DYNC1I1: variants seen among roughly 807,000 people sequenced by gnomAD.
DYNC1I1 encodes cytoplasmic dynein 1 intermediate chain 1.
Under a neutral mutation model 86.6 loss-of-function variants are expected in DYNC1I1, and 43 were observed. The ratio of observed to expected loss-of-function variants is 0.50; its 90% CI spans 0.39 to 0.64. The LOEUF (loss-of-function observed/expected upper bound fraction) is 0.64, where lower values mean the gene tolerates loss of function less well. DYNC1I1 is among the 30% of genes least tolerant of loss of function. DYNC1I1 has a pLI of 0.00. For synonymous variants in DYNC1I1, 262 were observed against 283.7 expected (o/e 0.92, Z 0.77); for missense variants, 604 against 788.8 (o/e 0.77, Z 2.81).
intron 16 of DYNC1I1, among the ~76,000 whole-genome samples, chr7:96,081,903 A>C (rs1790531112): frequency 1.1e-5 from 1 of 92,998 alleles, no homozygotes; most frequent in African/African-American, 4.6e-5. Flanking sequence ...TTCTGGATGC[A>C]TAATTCTAAG....
chr7:95,824,152 G>A (rs1010512609), intron 4 of DYNC1I1, among the ~76,000 whole-genome samples: 5 of 150,310 alleles, frequency 3.3e-5, no homozygotes, highest in African/African-American at 1.2e-4. Context: ...CACCATACCC[G>A]GCTAATTTCT....
intron 10 of DYNC1I1, among the ~76,000 whole-genome samples, chr7:96,027,297 A>G (rs1324822523): frequency 2.4e-4 from 37 of 152,208 alleles, no homozygotes; most frequent in Admixed American, 2.4e-3. Context: ...ACTAAAAACA[A>G]TTACTTTAGC....
intron 6 of DYNC1I1, among the ~76,000 whole-genome samples, chr7:95,938,702 A>G (rs1394499211): frequency 6.6e-6 from 1 of 152,146 alleles, no homozygotes; most frequent in Non-Finnish European, 1.5e-5. Context: ...TAATAAGGTC[A>G]TGTATTGAAA....
At chr7:95,804,389 C>A (rs767235802) in intron 1 of DYNC1I1, 2 of 1,271,980 alleles carry the variant, frequency 1.6e-6, no homozygotes, top group Non-Finnish European at 2.0e-6. Flanking sequence ...TTTTTTGATT[C>A]TCTTATTTAT....
intron 10 of DYNC1I1, among the ~76,000 whole-genome samples, chr7:96,023,652 G>A (rs1268952159): frequency 2.0e-5 from 3 of 152,130 alleles, no homozygotes; most frequent in African/African-American, 7.2e-5. Flanking sequence ...TGTGAATGGT[G>A]TAAAATAAAC....
At chr7:96,058,886 C>T (rs1009836687) in intron 14 of DYNC1I1, among the ~76,000 whole-genome samples, 4 of 149,768 alleles carry the variant, frequency 2.7e-5, no homozygotes, top group Admixed American at 6.7e-5. Context: ...TCAGGTGATC[C>T]ACCAGCCTCG....
chr7:95,922,414 A>G (rs144444574), intron 6 of DYNC1I1, among the ~76,000 whole-genome samples: 2,154 of 152,240 alleles, frequency 0.014, 29 homozygotes, highest in Non-Finnish European at 0.017. Context: ...TGAGCTGTTT[A>G]ACTAAGGAAA....
intron 16 of DYNC1I1, among the ~76,000 whole-genome samples, chr7:96,104,527 TTAAA>T (rs1358288222): frequency 3.3e-5 from 5 of 152,150 alleles, no homozygotes; most frequent in African/African-American, 1.2e-4. Context: ...ATGATGGTTC[TTAAA>T]TTAATTTTTG....
chr7:96,078,093 TA>T (rs1045772614), intron 15 of DYNC1I1, among the ~76,000 whole-genome samples: 3 of 152,172 alleles, frequency 2.0e-5, no homozygotes, highest in Non-Finnish European at 2.9e-5. Flanking sequence ...AGATTTTTCT[TA>T]AAAATTAGAT....
At chr7:95,789,491 G>GT (rs1432455769) in intron 1 of DYNC1I1, among the ~76,000 whole-genome samples, 16 of 152,138 alleles carry the variant, frequency 1.1e-4, no homozygotes, top group Non-Finnish European at 2.4e-4. Flanking sequence ...CTTATTTTAT[G>GT]TTTTTTTCTC....
At chr7:95,934,714 G>A (rs181212127) in intron 6 of DYNC1I1, among the ~76,000 whole-genome samples, 2 of 152,052 alleles carry the variant, frequency 1.3e-5, no homozygotes, top group East Asian at 3.9e-4. Flanking sequence ...GATTTTACTT[G>A]TTTTAAAATC....
intron 5 of DYNC1I1, among the ~76,000 whole-genome samples, chr7:95,846,056 T>G (rs1217872452): frequency 6.6e-6 from 1 of 152,194 alleles, no homozygotes; most frequent in Non-Finnish European, 1.5e-5. Flanking sequence ...CTTGAAGAAT[T>G]CTATAATTTT....
intron 6 of DYNC1I1, among the ~76,000 whole-genome samples, chr7:95,913,477 C>T (rs1186041618): frequency 6.6e-6 from 1 of 152,194 alleles, no homozygotes; most frequent in Non-Finnish European, 1.5e-5. Context: ...TTTTCCCATG[C>T]TGTTCTCGTG....
At chr7:95,810,345 T>C (rs746321086) in intron 2 of DYNC1I1, 47 bp from the exon 3 acceptor site, 1 of 1,497,306 alleles carries the variant, frequency 6.7e-7, no homozygotes, top group Non-Finnish European at 9.1e-7. Flanking sequence ...AGGAAAAGCA[T>C]ACATTTAGTT....
intron 5 of DYNC1I1, among the ~76,000 whole-genome samples, chr7:95,828,772 A>G (rs1260695333): frequency 1.3e-5 from 2 of 152,186 alleles, no homozygotes; most frequent in Non-Finnish European, 2.9e-5. Context: ...GAGTGGAATA[A>G]AACACACAGA....
intron 1 of DYNC1I1, among the ~76,000 whole-genome samples, chr7:95,783,743 G>T (rs943373457): frequency 6.6e-6 from 1 of 152,118 alleles, no homozygotes; most frequent in Non-Finnish European, 1.5e-5. Flanking sequence ...GAAAAAATGT[G>T]ATTATGATTA....
intron 6 of DYNC1I1, among the ~76,000 whole-genome samples, chr7:95,918,539 CTGTG>C (rs1426832827): frequency 5.9e-5 from 9 of 152,234 alleles, no homozygotes; most frequent in East Asian, 1.9e-4. Flanking sequence ...GTGGGTGTGT[CTGTG>C]TGTGCACACA....
At chr7:95,853,678 G>C (rs1249340192) in intron 5 of DYNC1I1, among the ~76,000 whole-genome samples, 1 of 152,050 alleles carries the variant, frequency 6.6e-6, no homozygotes, top group East Asian at 1.9e-4. Context: ...AGGTCTATTT[G>C]GTCTATTGTG....
chr7:95,788,621 C>T (rs371034005), intron 1 of DYNC1I1, among the ~76,000 whole-genome samples: 3 of 152,170 alleles, frequency 2.0e-5, no homozygotes, highest in Non-Finnish European at 4.4e-5. Context: ...GCGGCACACA[C>T]TGGGGAAAAC....
Sources: gnomAD v4.1 joint callset for allele counts (sites outside exome capture counted in the v4.1 genomes callset) on GRCh38, gnomAD v4.1.1 for gene constraint, MANE v1.5 for transcripts, NCBI Gene and HGNC (gene_info 2026-07-23, HGNC 2026-07-21) for gene names.